MYO1C: variants seen among roughly 807,000 people sequenced by gnomAD.
The protein encoded by MYO1C is unconventional myosin-Ic.
In MYO1C, 104 loss-of-function variants were observed where a neutral mutation model predicts 150.8. The ratio of observed to expected loss-of-function variants is 0.69; its 90% confidence interval spans 0.59 to 0.81. The LOEUF is 0.81. Among genes scored for constraint, MYO1C ranks in the 30% least tolerant of loss-of-function variants. The pLI is 0.00. For missense variants in MYO1C, 1,504 were observed against 1,435.0 expected (o/e 1.05, Z -0.78); for synonymous variants, 663 against 579.9 (o/e 1.14, Z -2.06).
At position 1,483,910 on chromosome 17, in the gene MYO1C, C is replaced by T. The variant is rs1425083240; in HGVS notation, c.232-185G>A. 5.3e-5 allele frequency among the ~76,000 whole-genome samples: 8 copies of T among 151,948 alleles called. No homozygotes were observed. The East Asian group carries it at 5.8e-4, about 11-fold the overall frequency. On this transcript the variant is annotated intron_variant, in intron 2 of 31. Transcript: ENST00000648651. The stretch of plus-strand genomic sequence containing the variant: ...ATACAAAATTAGCCGGGCGTGGTGG[C>T]GGGTGCCTGTAATCCCAGCTACTCG...
chr17:1,483,167 C>T lies in MYO1C; in HGVS notation c.348-108G>A, dbSNP rs904453542. 8 of 1,131,060 alleles carry T rather than the reference C, an allele frequency of 7.1e-6. No individual in the cohort carries two copies. The East Asian group carries it at 1.3e-4, about 18-fold the overall frequency. 70.1% of individuals were successfully genotyped at this position (1,131,060 alleles called of 1,614,324 possible). ...GTCCTCTTGTGGGAGTCGAATACAC[C>T]CTTGAGGATGGGGACTGGGGGTCCC... On this transcript the variant is annotated intron_variant, in intron 3 of 31. Coordinates refer to ENST00000648651, the MANE Select transcript of MYO1C (RefSeq NM_001080779.2).
rs946341259 is a variant in MYO1C at position 1,471,578 on chromosome 17, G to C, written c.2022-242C>G. Among the ~76,000 whole-genome samples, 6 of 152,326 alleles carry C rather than the reference G, an allele frequency of 3.9e-5. No individual in the cohort carries two copies. The South Asian group carries it at 1.2e-3, about 32-fold the overall frequency. On this transcript the variant is annotated intron_variant, in intron 19 of 31. Transcript: ENST00000648651. ...GACCCCCCAGGCCCCCGACTCAGAAGAACCACAAAGCTGCTCCACCCTTTC... is the reference window on the plus strand; with the variant it reads ...GACCCCCCAGGCCCCCGACTCAGAACAACCACAAAGCTGCTCCACCCTTTC...
At chr17:1,475,944 A>C (rs1450758146) in intron 14 of MYO1C, among the ~76,000 whole-genome samples, 1 of 152,188 alleles carries the variant, frequency 6.6e-6, no homozygotes, top group Non-Finnish European at 1.5e-5. Context: ...AGCCTTATAC[A>C]CAAGTTCTCG....
In MYO1C at chr17:1,478,371, G is replaced by A. The variant is rs2074443421; in HGVS notation, c.1295+39C>T. 6.2e-7 allele frequency: 1 copy of A among 1,611,438 alleles called. No homozygotes were observed. Among genetic ancestry groups the A allele is most frequent in the Middle Eastern group, 1.7e-4 (1 of 6,060 alleles). Reference sequence around the variant, plus strand: ...AGGACAGAAGAGAGGGAGCAGGACAGGAGACCGGGAGGAGAGACGGGGGAA... The same window carrying A: ...AGGACAGAAGAGAGGGAGCAGGACAAGAGACCGGGAGGAGAGACGGGGGAA... On this transcript the variant is annotated intron_variant, in intron 11 of 31. Transcript: ENST00000648651. This position sits in a 1 kb window ranked among gnomAD's most constrained non-coding sequence, Gnocchi z 6.3.
chr17:1,483,575 G>T, intron 3 of MYO1C, 35 bp downstream of exon 3: 1 of 1,508,370 alleles, frequency 6.6e-7, no homozygotes, highest in South Asian at 1.2e-5. Flanking sequence ...GATGGAGACA[G>T]AGGGGTCGCT....
At chr17:1,480,985 C>T in intron 5 of MYO1C, 100 bp from the exon 6 acceptor site, 3 of 1,354,514 alleles carry the variant, frequency 2.2e-6, no homozygotes, top group Non-Finnish European at 2.1e-6. Flanking sequence ...GCAGCCAGAC[C>T]TGGATGCCAA....
chr17:1,468,975 C>T (rs116116274), intron 25 of MYO1C: 172 of 290,066 alleles, frequency 5.9e-4, no homozygotes, highest in African/African-American at 3.6e-3. Context: ...TGAGCAGTCT[C>T]TACCAATCAA....
In MYO1C at chr17:1,474,802, T is replaced by TCCTCCTCA; in HGVS notation, c.1716+2_1716+9dup. ...CCACCCCCACCCCGGCCTCCCCACG[T>TCCTCCTCA]CCTCCTCACCTCCTTAAGGTTCCGG... On this transcript the variant is annotated intron_variant, in intron 16 of 31. Coordinates refer to ENST00000648651, the MANE Select transcript of MYO1C (RefSeq NM_001080779.2). 9 of 1,438,620 alleles carry TCCTCCTCA rather than the reference T, an allele frequency of 6.3e-6. No individual in the cohort carries two copies. Among genetic ancestry groups the TCCTCCTCA allele is most frequent in the Non-Finnish European group, 8.8e-6 (9 of 1,023,862 alleles). 89.1% of individuals were successfully genotyped at this position (1,438,620 alleles called of 1,614,324 possible).
rs2074496045 is a variant in MYO1C at position 1,480,458 on chromosome 17, A to G, written c.906+69T>C. ...AATGAAACTCCGTCTCAAAAAATAA[A>G]AAACAAAAAAAAAAGGAGATTTTGG... is the stretch of plus-strand genomic sequence containing the variant. On this transcript the variant is annotated intron_variant, in intron 7 of 31. Transcript: ENST00000648651. 2.3e-5 allele frequency: 32 copies of G among 1,395,332 alleles called. No individual in the cohort carries two copies. In the South Asian group the frequency reaches 3.7e-4, roughly 16 times the overall value. 86.4% of individuals were successfully genotyped at this position (1,395,332 alleles called of 1,614,324 possible).
chr17:1,478,883 G>A lies in MYO1C; in HGVS notation c.1093-148C>T. On this transcript the variant is annotated intron_variant, in intron 9 of 31. Coordinates refer to ENST00000648651, the MANE Select transcript of MYO1C (RefSeq NM_001080779.2). This position sits in a 1 kb window ranked among gnomAD's most constrained non-coding sequence, Gnocchi z 6.3. ...AGTATGGGGAGGGGTGCTGGTAGTG[G>A]GACCTCAGGGAGGACAGGTGGCCAC... is the stretch of plus-strand genomic sequence containing the variant. The A allele has an allele frequency of 7.6e-7, 1 of 1,317,804 alleles. No homozygotes were observed. The highest frequency in any genetic ancestry group is 1.3e-5 in the South Asian group (1 of 78,018). 81.6% of individuals were successfully genotyped at this position (1,317,804 alleles called of 1,614,324 possible).
chr17:1,467,636 C>T (rs1016086031), intron 29 of MYO1C, 59 bp from the exon 30 acceptor site: 1 of 1,507,470 alleles, frequency 6.6e-7, no homozygotes, highest in Admixed American at 1.7e-5. Flanking sequence ...GAACCCCCGC[C>T]CCACCTCCCC....
Position 1,472,147 on chromosome 17 carries a change from T to C in MYO1C, c.1879A>G (p.Lys627Glu). Residue 627 changes from lysine (K) to glutamate (E), a missense_variant, in exon 18 of 32, where the codon AAA (lysine) becomes GAA (glutamate). Transcript: ENST00000648651. ...CCGGGCTGTTTGGCATCATTGGGTT[T>C]GATGCAGCGGACGTAGGCGGGCTCC... ...SKEPAYVRCI[K>E]PNDAKQPGRF... 6.2e-7 allele frequency: 1 copy of C among 1,614,136 alleles called. No individual in the cohort carries two copies. The highest frequency in any genetic ancestry group is 1.7e-4 in the Middle Eastern group (1 of 6,060).
chr17:1,479,774 A>T lies in MYO1C; in HGVS notation c.907-69T>A. The T allele has an allele frequency of 9.1e-7, 1 of 1,094,170 alleles. No homozygotes were observed. Among genetic ancestry groups the T allele is most frequent in the Non-Finnish European group, 1.4e-6 (1 of 733,694 alleles). 67.8% of individuals were successfully genotyped at this position (1,094,170 alleles called of 1,614,324 possible). ...AGAGCCCCAAGAGGGCAACTAGCAG[A>T]TGGCCATGCAGGGGTGGGTGGTGAA... On this transcript the variant is annotated intron_variant, in intron 7 of 31. Transcript: ENST00000648651. The surrounding 1 kb of genome is among the most constrained non-coding windows in gnomAD (Gnocchi z 4.2).
chr17:1,470,542 C>T, intron 22 of MYO1C, 23 bp from the exon 23 acceptor site: 1 of 1,558,852 alleles, frequency 6.4e-7, no homozygotes, highest in Non-Finnish European at 8.7e-7. Context: ...CCACAGATGG[C>T]TGAACTCTAT....
intron 25 of MYO1C, chr17:1,469,144 A>C (rs1345511556): frequency 2.9e-6 from 1 of 348,704 alleles, no homozygotes; most frequent in South Asian, 2.3e-5. Context: ...ACCGGGGTAA[A>C]TAGAGCAGAC....
intron 3 of MYO1C, among the ~76,000 whole-genome samples, chr17:1,483,373 G>C (rs1048623403): frequency 6.6e-6 from 1 of 151,826 alleles, no homozygotes; most frequent in Non-Finnish European, 1.5e-5. Context: ...TAAGATTGGG[G>C]GGCCACTCCC....
chr17:1,469,259 CAGTAGATTGCGGTAAATAG>C, intron 25 of MYO1C: 1 of 494,146 alleles, frequency 2.0e-6, no homozygotes, highest in South Asian at 2.0e-5. Context: ...GGGGTAAATA[CAGTAGATTGCGGTAAATAG>C]AGTAGACTGG....
chr17:1,483,385 G>C (rs1157555046), intron 3 of MYO1C, among the ~76,000 whole-genome samples: 1 of 152,000 alleles, frequency 6.6e-6, no homozygotes. Flanking sequence ...GCCACTCCCA[G>C]TTGGGGAATA....
In MYO1C at chr17:1,474,859, C is replaced by T; in HGVS notation, c.1670-1G>A. 1 of 1,614,098 alleles carries T rather than the reference C, an allele frequency of 6.2e-7. No homozygotes were observed. Among genetic ancestry groups the T allele is most frequent in the Non-Finnish European group, 8.5e-7 (1 of 1,179,988 alleles). On this transcript the variant is annotated splice_acceptor_variant, in intron 15 of 31. Coordinates refer to ENST00000648651, the MANE Select transcript of MYO1C (RefSeq NM_001080779.2). LOFTEE classifies it high-confidence loss of function. The stretch of plus-strand genomic sequence containing the variant: ...AGGTCATTGTTTTTGTCCAGAAACC[C>T]TGGGAGGGGAGAACCGACGTGAGGT...
Sources: gnomAD v4.1 joint callset for allele counts (sites outside exome capture counted in the v4.1 genomes callset) on GRCh38, gnomAD v4.1.1 for gene constraint, Gnocchi (gnomAD v3.1) non-coding constraint, MANE v1.5 for transcripts, NCBI Gene and HGNC (gene_info 2026-07-23, HGNC 2026-07-21) for gene names.